The following CDCA8 variants were observed in gnomAD, a reference collection of about 807,000 sequenced individuals.
The protein encoded by CDCA8 is cell division cycle associated 8.
CDCA8 carries 25 observed loss-of-function variants against 40.0 expected under a neutral mutation model. The observed-to-expected ratio is 0.63, with a 90% CI of 0.46 to 0.87. The LOEUF (loss-of-function observed/expected upper bound fraction) is 0.87. Among genes scored for constraint, CDCA8 ranks in the 40% least tolerant of loss-of-function variants. The pLI is 0.00. For synonymous variants in CDCA8, 111 were observed against 126.5 expected (o/e 0.88, Z 0.82); for missense variants, 280 against 348.4 (o/e 0.80, Z 1.56).
intron 6 of CDCA8, among the ~76,000 whole-genome samples, chr1:37,702,927 GGGCAACAGA>G (rs1270694247): frequency 1.3e-5 from 2 of 149,632 alleles, no homozygotes; most frequent in African/African-American, 2.5e-5. Flanking sequence ...ACTCCAGCCT[GGGCAACAGA>G]GCAAGACTCC....
In CDCA8 at chr1:37,696,435, T is replaced by C. The variant is rs1194652051; in HGVS notation, c.264+485T>C. The stretch of plus-strand genomic sequence containing the variant: ...TTTAAAGCTGCACTGTCCAGTGTAG[T>C]AGCCACTGGGCATATGTAGCTATTT... On this transcript the variant is annotated intron_variant, in intron 3 of 9. Coordinates refer to ENST00000373055, the MANE Select transcript of CDCA8 (RefSeq NM_001256875.2). The surrounding 1 kb of genome is among the most constrained non-coding windows in gnomAD (Gnocchi z 5.0). 6.6e-6 allele frequency among the ~76,000 whole-genome samples: 1 copy of C among 152,186 alleles called. No individual in the cohort carries two copies. Among genetic ancestry groups the C allele is most frequent in the African/African-American group, 2.4e-5 (1 of 41,444 alleles).
At chr1:37,700,254 T>A (rs143388164) in intron 4 of CDCA8, among the ~76,000 whole-genome samples, 182 bp from the exon 5 acceptor site, 1 of 152,312 alleles carries the variant, frequency 6.6e-6, no homozygotes, top group East Asian at 1.9e-4. Flanking sequence ...TCATATGGGG[T>A]CTCTTAACAC....
At chr1:37,706,042 C>A (rs763320683) in intron 8 of CDCA8, among the ~76,000 whole-genome samples, 108 of 150,862 alleles carry the variant, frequency 7.2e-4, no homozygotes, top group Non-Finnish European at 1.3e-3. Context: ...ATTGCTTGAC[C>A]TCGTGATCCG....
chr1:37,707,812 CCT>C lies in CDCA8; in HGVS notation c.799-508_799-507del, dbSNP rs536272619. 1.8e-3 allele frequency among the ~76,000 whole-genome samples: 280 copies of C among 152,312 alleles called. 1 individual carries two copies. Among genetic ancestry groups the C allele is most frequent in the African/African-American group, 6.5e-3 (270 of 41,560 alleles). The stretch of plus-strand genomic sequence containing the variant: ...CTCCAGCCTGGGTGACAGAGAAAGA[CCT>C]CAGCTCTAAAAATAAAGTAAATTAT... On this transcript the variant is annotated intron_variant, in intron 9 of 9. Coordinates refer to ENST00000373055, the MANE Select transcript of CDCA8 (RefSeq NM_001256875.2).
intron 2 of CDCA8, among the ~76,000 whole-genome samples, chr1:37,695,457 G>T (rs920897879): frequency 1.3e-5 from 2 of 151,570 alleles, no homozygotes; most frequent in African/African-American, 4.8e-5. Flanking sequence ...GCCGAATGTG[G>T]TGGCGCATGC....
chr1:37,707,167 T>A, intron 9 of CDCA8, 103 bp downstream of exon 9: 1 of 802,910 alleles, frequency 1.2e-6, no homozygotes, highest in Non-Finnish European at 2.1e-6. Flanking sequence ...ACTTTCTACT[T>A]AAATTTGTGT....
chr1:37,692,717 G>C lies in CDCA8; in HGVS notation c.27G>C (p.Arg9=). ...TGGCTCCTAGGAAGGGCAGTAGTCG[G>C]GTGGCCAAGACCAACTCCTTACGGA... MAPRKGSS[R]VAKTNSLRRR... The change falls in exon 1 of 10, where the codon CGG becomes CGC. Residue 9 remains arginine (R), a synonymous_variant. Transcript: ENST00000373055. The C allele has an allele frequency of 6.2e-7, 1 of 1,613,354 alleles. No homozygotes were observed. Among genetic ancestry groups the C allele is most frequent in the Admixed American group, 1.7e-5 (1 of 60,014 alleles).
chr1:37,695,368 T>TAAAAAAAA (rs71690196), intron 2 of CDCA8, among the ~76,000 whole-genome samples: 1 of 76,464 alleles, frequency 1.3e-5, no homozygotes, highest in Non-Finnish European at 2.4e-5. Context: ...CATCTCTACT[T>TAAAAAAAA]AAAAAAAAAA....
rs954063386 is a variant in CDCA8 at position 37,698,763 on chromosome 1, TTTGCTATA to T, written c.265-138_265-131del. ...GGGCTGTGTGGTGGGTTTATGGGAG[TTTGCTATA>T]TTGTATATTGTATCACTAACATTTA... On this transcript the variant is annotated intron_variant, in intron 3 of 9. Transcript: ENST00000373055. The T allele has an allele frequency of 1.6e-4, 92 of 591,264 alleles. 1 individual carries two copies. In the African/African-American group the frequency reaches 1.6e-3, roughly 10 times the overall value. 36.6% of individuals were successfully genotyped at this position (591,264 alleles called of 1,614,324 possible).
rs756051498 is a variant in CDCA8, at chr1:37,707,079, C to T, written c.798+15C>T. 2 of 1,590,128 alleles carry T rather than the reference C, an allele frequency of 1.3e-6. No individual in the cohort carries two copies. Among genetic ancestry groups the T allele is most frequent in the Non-Finnish European group, 1.7e-6 (2 of 1,158,018 alleles). On this transcript the variant is annotated intron_variant, in intron 9 of 9. Transcript: ENST00000373055. Reference sequence around the variant, plus strand: ...AGAAGCTCTCCGTAAGTCTCATATTCATCTCCACACATAGGATGCCTCCAG... The same window carrying T: ...AGAAGCTCTCCGTAAGTCTCATATTTATCTCCACACATAGGATGCCTCCAG...
Position 37,701,772 on chromosome 1 carries a change from T to C in CDCA8, c.442T>C (p.Ser148Pro). 6.2e-7 allele frequency: 1 copy of C among 1,612,918 alleles called. No individual in the cohort carries two copies. The highest frequency in any genetic ancestry group is 8.5e-7 in the Non-Finnish European group (1 of 1,179,352). The change falls in exon 6 of 10, where the codon TCC becomes CCC. Residue 148 changes from serine to proline, a missense_variant. By Grantham distance (74) the Ser-to-Pro change is moderately conservative. Transcript: ENST00000373055. ...QTARVKRCPP[S>P]KKRTQSIQGK... ...ACTGCAGGTCAAAAGGTGTCCTCCA[T>C]CCAAGAAGAGAACTCAGTCCATACA...
intron 2 of CDCA8, among the ~76,000 whole-genome samples, chr1:37,693,790 A>G (rs1279371744): frequency 6.6e-6 from 1 of 152,172 alleles, no homozygotes; most frequent in Non-Finnish European, 1.5e-5. Flanking sequence ...GCTCAGATAG[A>G]AGAATAACCC....
intron 4 of CDCA8, among the ~76,000 whole-genome samples, chr1:37,699,227 C>T (rs779261315): frequency 3.1e-4 from 47 of 151,924 alleles, no homozygotes; most frequent in South Asian, 1.2e-3. Flanking sequence ...GACCCGTGTG[C>T]GAGCTAAAAT....
chr1:37,703,028 G>A (rs963551214), intron 6 of CDCA8, among the ~76,000 whole-genome samples: 7 of 151,826 alleles, frequency 4.6e-5, no homozygotes, highest in Admixed American at 4.6e-4. Flanking sequence ...AATTGGATAT[G>A]TGATCTTGGG....
At chr1:37,699,048 G>C in intron 4 of CDCA8, 71 bp downstream of exon 4, 1 of 1,018,358 alleles carries the variant, frequency 9.8e-7, no homozygotes, top group Non-Finnish European at 1.6e-6. Flanking sequence ...GGCTGCTCAG[G>C]CAGCGCCTTG....
chr1:37,708,487 GGGAATTCA>G lies in CDCA8; in HGVS notation c.*131_*138del. On this transcript the variant is annotated 3_prime_UTR_variant, in exon 10 of 10. Coordinates refer to ENST00000373055, the MANE Select transcript of CDCA8 (RefSeq NM_001256875.2). ...AGAGCAAGGAGCCATGTTCCTCTAAGGGAATTCAGGAATTCAGACGTGCTAGTCCCACA... is the reference window on the plus strand; with the variant it reads ...AGAGCAAGGAGCCATGTTCCTCTAAGGGAATTCAGACGTGCTAGTCCCACA... The G allele has an allele frequency of 1.0e-6, 1 of 962,022 alleles. No homozygotes were observed. 59.6% of individuals were successfully genotyped at this position (962,022 alleles called of 1,614,324 possible).
chr1:37,692,879 G>A (rs1374827855), intron 1 of CDCA8, 26 bp from the exon 2 acceptor site: 1 of 1,613,606 alleles, frequency 6.2e-7, no homozygotes, highest in Non-Finnish European at 8.5e-7. Context: ...CGTGACCCGT[G>A]TCCTGTCGGC....
chr1:37,701,689 A>AAAAAC, intron 5 of CDCA8, 65 bp from the exon 6 acceptor site: 5 of 964,404 alleles, frequency 5.2e-6, no homozygotes, highest in Middle Eastern at 2.2e-4. Context: ...AAAAAAAAAA[A>AAAAAC]CCCTCCTTAC....
At chr1:37,697,627 G>A (rs558136919) in intron 3 of CDCA8, among the ~76,000 whole-genome samples, 2 of 152,352 alleles carry the variant, frequency 1.3e-5, no homozygotes, top group South Asian at 2.1e-4. Flanking sequence ...CAAGTTCCCA[G>A]ATGCCAACCG....
Sources: gnomAD v4.1 joint callset for allele counts (sites outside exome capture counted in the v4.1 genomes callset) on GRCh38, gnomAD v4.1.1 for gene constraint, Gnocchi (gnomAD v3.1) non-coding constraint, MANE v1.5 for transcripts, NCBI Gene and HGNC (gene_info 2026-07-23, HGNC 2026-07-21) for gene names.